The following STRN4 variants were observed in gnomAD, a reference collection of about 807,000 sequenced individuals.
The protein encoded by STRN4 is striatin-4.
A neutral mutation model predicts 77.9 loss-of-function variants in STRN4; 27 were observed. That is an observed-to-expected ratio of 0.35 (90% CI 0.26 to 0.48). The LOEUF is 0.48. STRN4 is among the 20% of genes least tolerant of loss of function. The pLI is 0.99. For synonymous variants in STRN4, 466 were observed against 443.1 expected (o/e 1.05, Z -0.65); for missense variants, 798 against 1,049.7 (o/e 0.76, Z 3.31).
intron 14 of STRN4, 129 bp downstream of exon 14, chr19:46,722,681 C>T: frequency 7.1e-7 from 1 of 1,411,006 alleles, no homozygotes; most frequent in Non-Finnish European, 9.6e-7. Flanking sequence ...CAACTTCCTT[C>T]CTGCTCAGGG....
At position 46,728,769 on chromosome 19, in the gene STRN4, G is replaced by A; in HGVS notation, c.888C>T (p.Ser296=). The change falls in exon 7 of 18, where the codon TCC becomes TCT. Residue 296 remains serine, a synonymous_variant. Coordinates refer to ENST00000263280, the MANE Select transcript of STRN4 (RefSeq NM_013403.3). The stretch of plus-strand genomic sequence containing the variant: ...CTTCCATTTCGGGCACCAGAGCCTT[G>A]GATGGGAGCTGGCACATGGAGAAAG... ...QHKKQRVKLP[S]KALVPEMEDE... 1 of 1,614,110 alleles carries A rather than the reference G, an allele frequency of 6.2e-7. No homozygotes were observed.
At chr19:46,728,113 G>T (rs2054164071) in intron 7 of STRN4, 106 bp from the exon 8 acceptor site, 4 of 1,053,160 alleles carry the variant, frequency 3.8e-6, no homozygotes, top group Non-Finnish European at 5.7e-6. Context: ...CTGTGGGGCT[G>T]TGAAGCTCTG....
rs1280579410 is a variant in STRN4 at position 46,738,349 on chromosome 19, G to A, written c.387-112C>T. On this transcript the variant is annotated intron_variant, in intron 2 of 17. Coordinates refer to ENST00000263280, the MANE Select transcript of STRN4 (RefSeq NM_013403.3). This position sits in a 1 kb window ranked among gnomAD's most constrained non-coding sequence, Gnocchi z 4.5. The stretch of plus-strand genomic sequence containing the variant: ...CAAATCACAGGGCCTCCCCCAGCTC[G>A]TCTACTACTGAGGCTGAAGCATCCC... The A allele has an allele frequency of 2.1e-5, 21 of 1,006,756 alleles. No individual in the cohort carries two copies. The highest frequency in any genetic ancestry group is 7.4e-5 in the Admixed American group (4 of 54,042). The allele number at this position is 1,006,756 out of a possible 1,614,324, so 62.4% of individuals were successfully genotyped here.
At chr19:46,726,959 C>G (rs576512640) in intron 9 of STRN4, among the ~76,000 whole-genome samples, 9 of 152,276 alleles carry the variant, frequency 5.9e-5, no homozygotes, top group African/African-American at 1.9e-4. Flanking sequence ...AATCTCACAG[C>G]AGTCCCCACC....
Position 46,738,100 on chromosome 19 carries a change from C to T in STRN4, c.460+64G>A. The T allele has an allele frequency of 6.5e-7, 1 of 1,527,460 alleles. No homozygotes were observed. The highest frequency in any genetic ancestry group is 9.1e-7 in the Non-Finnish European group (1 of 1,101,040). The allele number at this position is 1,527,460 out of a possible 1,614,324, so 94.6% of individuals were successfully genotyped here. ...GAGAAAGAGGCACCCCATCTTCCTG[C>T]TTCTCCAGAACACTCAGCTTCTGCG... On this transcript the variant is annotated intron_variant, in intron 3 of 17. Transcript: ENST00000263280. The surrounding 1 kb of genome is among the most constrained non-coding windows in gnomAD (Gnocchi z 4.5).
At position 46,730,685 on chromosome 19, in the gene STRN4, A is replaced by G. The variant is rs373196189; in HGVS notation, c.879+47T>C. 31 of 1,599,488 alleles carry G rather than the reference A, an allele frequency of 1.9e-5. No homozygotes were observed. The East Asian group carries it at 2.5e-4, about 13-fold the overall frequency. ...AGGCTGACTCGGAAGGGCTTCGATC[A>G]GGTCACACCCAGGCCAGGCTGTGCA... On this transcript the variant is annotated intron_variant, in intron 6 of 17. Transcript: ENST00000263280.
In STRN4 at chr19:46,746,446, G is replaced by A. The variant is rs538487169; in HGVS notation, c.-16C>T. 8.0e-6 allele frequency: 8 copies of A among 1,004,470 alleles called. No individual in the cohort carries two copies. The highest frequency in any genetic ancestry group is 1.0e-4 in the East Asian group (1 of 9,600). The allele number at this position is 1,004,470 out of a possible 1,614,324, so 62.2% of individuals were successfully genotyped here. ...CCTCCATCATGGAGGCCCCGGGGCC[G>A]GCCTGCGCGCCCGCTGTGCCTCGCG... On this transcript the variant is annotated 5_prime_UTR_variant, in exon 1 of 18. Coordinates refer to ENST00000263280, the MANE Select transcript of STRN4 (RefSeq NM_013403.3).
intron 8 of STRN4, 145 bp downstream of exon 8, chr19:46,727,741 GAGACAGAC>G: frequency 1.3e-6 from 1 of 778,648 alleles, no homozygotes; most frequent in Non-Finnish European, 2.0e-6. Flanking sequence ...AAAAGAGAGG[GAGACAGAC>G]AGACAGACGA....
chr19:46,745,904 C>T (rs2054582954), intron 1 of STRN4: 1 of 359,054 alleles, frequency 2.8e-6, no homozygotes. Flanking sequence ...TCCCGGTGAT[C>T]CCTCCCACCC....
intron 1 of STRN4, among the ~76,000 whole-genome samples, chr19:46,743,003 G>A (rs2054501039): frequency 6.6e-6 from 1 of 152,190 alleles, no homozygotes; most frequent in African/African-American, 2.4e-5. Context: ...ACCAACCAGG[G>A]TCAAACTCAA....
At position 46,727,483 on chromosome 19, in the gene STRN4, G is replaced by A; in HGVS notation, c.1217C>T (p.Thr406Ile). The A allele has an allele frequency of 1.2e-6, 2 of 1,614,082 alleles. No homozygotes were observed. The highest frequency in any genetic ancestry group is 1.7e-6 in the Non-Finnish European group (2 of 1,179,984). Residue 406 changes from threonine to isoleucine, a missense_variant, in exon 9 of 18, where the codon ACC (threonine) becomes ATC (isoleucine). Physicochemically the swap from Thr to Ile is moderately conservative, Grantham distance 89. Around this residue, in one of 2 missense-constraint regions of STRN4, gnomAD observed 511 missense variants for 575.9 expected, o/e 0.89. Coordinates refer to ENST00000263280, the MANE Select transcript of STRN4 (RefSeq NM_013403.3). The part of the protein sequence containing the change: ...EVSLGDLADL[T>I]VTNDNDLSCD... ...GCTGAGGTCGTTGTCGTTGGTGACG[G>A]TGAGATCTGCCAAGTCCCCCAGGCT... is the stretch of plus-strand genomic sequence containing the variant.
In STRN4 at chr19:46,722,340, C is replaced by A. The variant is rs757426015; in HGVS notation, c.1907G>T (p.Gly636Val). The A allele has an allele frequency of 1.9e-6, 3 of 1,613,896 alleles. No homozygotes were observed. In the South Asian group the frequency reaches 3.3e-5, roughly 18 times the overall value. ...CACCACTTGGTTGATCTGGGTTGGACCTGAAGGAAAACGCAGGAAGAGGGA... is the reference window on the plus strand; with the variant it reads ...CACCACTTGGTTGATCTGGGTTGGAACTGAAGGAAAACGCAGGAAGAGGGA... ...LLTLESRGSS[G>V]PTQINQVVSH... Residue 636 changes from glycine (G) to valine (V), a missense_variant and splice_region_variant, in exon 15 of 18, where the codon GGT (glycine) becomes GTT (valine). Gly to Val is a moderately radical substitution (Grantham distance 109). Transcript: ENST00000263280.
intron 1 of STRN4, 36 bp downstream of exon 1, chr19:46,746,113 C>G: frequency 6.9e-7 from 1 of 1,450,902 alleles, no homozygotes; most frequent in Non-Finnish European, 9.1e-7. Flanking sequence ...CGGGCCGGGC[C>G]GGGTTGGGGG....
intron 1 of STRN4, among the ~76,000 whole-genome samples, chr19:46,743,166 C>T (rs1015858377): frequency 6.6e-6 from 1 of 152,166 alleles, no homozygotes; most frequent in Non-Finnish European, 1.5e-5. Flanking sequence ...CACAATAACT[C>T]TTCTCTCTCA....
At chr19:46,742,751 T>G (rs1407534857) in intron 1 of STRN4, among the ~76,000 whole-genome samples, 1 of 152,042 alleles carries the variant, frequency 6.6e-6, no homozygotes, top group Non-Finnish European at 1.5e-5. Context: ...TTAGTAGAGG[T>G]GGGGTTTCAC....
intron 4 of STRN4, among the ~76,000 whole-genome samples, chr19:46,734,170 C>T (rs1026082381): frequency 2.6e-5 from 4 of 152,186 alleles, no homozygotes; most frequent in Non-Finnish European, 4.4e-5. Flanking sequence ...GGGCAGATTG[C>T]CCAAGATCCC....
intron 17 of STRN4, 36 bp downstream of exon 17, chr19:46,720,500 G>A (rs538536032): frequency 2.4e-5 from 32 of 1,346,486 alleles, no homozygotes; most frequent in South Asian, 5.1e-5. Flanking sequence ...AGGCATGGGC[G>A]TGCAGAGACT....
chr19:46,738,291 G>A lies in STRN4; in HGVS notation c.387-54C>T, dbSNP rs1429422655. 2 of 1,518,168 alleles carry A rather than the reference G, an allele frequency of 1.3e-6. No homozygotes were observed. The highest frequency in any genetic ancestry group is 2.7e-5 in the African/African-American group (2 of 73,136). 94.0% of individuals were successfully genotyped at this position (1,518,168 alleles called of 1,614,324 possible). On this transcript the variant is annotated intron_variant, in intron 2 of 17. Transcript: ENST00000263280. The surrounding 1 kb of genome is among the most constrained non-coding windows in gnomAD (Gnocchi z 4.5). ...AGATGCGGGAGAGTAGACAGGGTCA[G>A]TAGTTACCTAAGGAATCCAGAATCC...
In STRN4 at chr19:46,722,804, C is replaced by T. The variant is rs766422319; in HGVS notation, c.1906+6G>A. The T allele has an allele frequency of 6.2e-6, 10 of 1,613,632 alleles. No homozygotes were observed. Among genetic ancestry groups the T allele is most frequent in the Non-Finnish European group, 8.5e-6 (10 of 1,179,882 alleles). ...CAATTCCATGAGCTGATGTCAGCCC[C>T]CTTACCGCTGCTGCCCCGGGACTCC... On this transcript the variant is annotated splice_donor_region_variant and intron_variant, in intron 14 of 17. Transcript: ENST00000263280.
Sources: allele counts gnomAD v4.1 joint callset (sites outside exome capture counted in the v4.1 genomes callset), GRCh38; gene constraint gnomAD v4.1.1; regional missense constraint gnomAD v4.1.1; non-coding constraint Gnocchi (gnomAD v3.1); transcripts MANE v1.5; gene names NCBI Gene and HGNC (gene_info 2026-07-23, HGNC 2026-07-21).